ZNF81: variants seen among roughly 807,000 people sequenced by gnomAD.
ZNF81 encodes zinc finger protein 81 (HFZ20).
In ZNF81, 5 loss-of-function variants were observed where a neutral mutation model predicts 32.3. The observed-to-expected ratio is 0.15, with a 90% CI of 0.08 to 0.33. The LOEUF is 0.33. Among genes scored for constraint, ZNF81 ranks in the 10% least tolerant of loss-of-function variants. ZNF81 has a pLI of 1.00. For synonymous variants in ZNF81, 163 were observed against 166.8 expected (o/e 0.98, Z 0.17); for missense variants, 379 against 479.8 (o/e 0.79, Z 1.96).
At chrX:47,873,476 A>G (rs191673834) in intron 2 of ZNF81, among the ~76,000 whole-genome samples, 1 of 111,102 alleles carries the variant, frequency 9.0e-6, no homozygotes, top group Non-Finnish European at 1.9e-5. Context: ...GGCTTTTCTG[A>G]TGTCTCTCTG....
rs782220805 is a variant in ZNF81, at chrX:47,875,641, C to T, written c.55-12358C>T. On this transcript the variant is annotated intron_variant, in intron 2 of 4. Transcript: ENST00000338637. Reference sequence around the variant, plus strand: ...TTATAATTCACCTTCAGCTGGTCTGCTCGATTCAGGAACTTCCAGGCCATC... The same window carrying T: ...TTATAATTCACCTTCAGCTGGTCTGTTCGATTCAGGAACTTCCAGGCCATC... Among the ~76,000 whole-genome samples the T allele has an allele frequency of 1.8e-5, 2 of 112,384 alleles. 1 individual carries two copies. The highest frequency in any genetic ancestry group is 1.9e-4 in the Admixed American group (2 of 10,622).
chrX:47,888,819 A>G (rs782724780), intron 3 of ZNF81, among the ~76,000 whole-genome samples: 4 of 111,868 alleles, frequency 3.6e-5, no homozygotes, highest in African/African-American at 9.8e-5. Flanking sequence ...TGGTAGAAAC[A>G]TGAATGTTAA....
chrX:47,900,440 A>G (rs2058694637), intron 4 of ZNF81, among the ~76,000 whole-genome samples: 2 of 111,979 alleles, frequency 1.8e-5, no homozygotes, highest in Non-Finnish European at 3.8e-5. Context: ...TTCACATCCT[A>G]TACAAAAATT....
intron 4 of ZNF81, among the ~76,000 whole-genome samples, chrX:47,913,567 AATTC>A (rs782024356): frequency 5.3e-4 from 59 of 111,968 alleles, no homozygotes; most frequent in Admixed American, 2.4e-3. Flanking sequence ...GGTGAAGTAA[AATTC>A]ATTCATTTAT....
In ZNF81 at chrX:47,860,211, T is replaced by G. The variant is rs191342419; in HGVS notation, c.54+13890T>G. 6.2e-3 allele frequency among the ~76,000 whole-genome samples: 644 copies of G among 104,679 alleles called. 23 individuals are homozygous for G. In the Admixed American group the frequency reaches 0.063, roughly 10 times the overall value. 90.9% of individuals were successfully genotyped at this position (104,679 alleles called of 115,157 possible). ...TTTTTTTTGAGATGGAATCTCGCTG[T>G]ATTGCCCAGGCTGGATTGCAGTGGC... On this transcript the variant is annotated intron_variant, in intron 2 of 4. Coordinates refer to ENST00000338637, the MANE Select transcript of ZNF81 (RefSeq NM_007137.5).
At chrX:47,894,277 C>T (rs55701069) in intron 3 of ZNF81, among the ~76,000 whole-genome samples, 2,145 of 111,014 alleles carry the variant, frequency 0.019, 22 homozygotes, top group Middle Eastern at 0.032. Flanking sequence ...TCAAATATTA[C>T]GTGGGGGATA....
Position 47,841,001 on chromosome X carries a change from C to T in ZNF81, c.-164+4014C>T, listed in dbSNP as rs2058447013. 5 of 798,188 alleles carry T rather than the reference C, an allele frequency of 6.3e-6. No homozygotes were observed. The East Asian group carries it at 1.6e-4, about 25-fold the overall frequency. The allele number at this position is 798,188 out of a possible 1,213,427, so 65.8% of individuals were successfully genotyped here. A position where few individuals can be genotyped will look rare whatever the true frequency, so the allele number is the denominator to read the frequency against. ...TGGATGAGCAGATTGATGTGTTCACCCCGATAGCCAGGTGTGCCCGTCTCC... is the reference window on the plus strand; with the variant it reads ...TGGATGAGCAGATTGATGTGTTCACTCCGATAGCCAGGTGTGCCCGTCTCC... On this transcript the variant is annotated intron_variant, in intron 1 of 4. Coordinates refer to ENST00000338637, the MANE Select transcript of ZNF81 (RefSeq NM_007137.5).
intron 2 of ZNF81, among the ~76,000 whole-genome samples, chrX:47,856,494 A>T (rs2058517753): frequency 8.9e-6 from 1 of 111,890 alleles, no homozygotes; most frequent in African/African-American, 3.2e-5. Flanking sequence ...AAACCAAAAG[A>T]AATATTTAAA....
chrX:47,871,460 G>T (rs2058580035), intron 2 of ZNF81, among the ~76,000 whole-genome samples: 1 of 111,348 alleles, frequency 9.0e-6, no homozygotes. Context: ...AACCCTGAAG[G>T]TGGCCCTTCT....
intron 2 of ZNF81, among the ~76,000 whole-genome samples, chrX:47,848,804 A>C (rs1299187093): frequency 9.0e-6 from 1 of 111,437 alleles, no homozygotes; most frequent in Non-Finnish European, 1.9e-5. Context: ...TCTGAAAAAA[A>C]AGTCCAAAAT....
chrX:47,865,873 A>G (rs1217056903), intron 2 of ZNF81, among the ~76,000 whole-genome samples: 1 of 111,716 alleles, frequency 9.0e-6, no homozygotes, highest in Non-Finnish European at 1.9e-5. Flanking sequence ...AGAATTTACC[A>G]GCCACCTCTG....
At position 47,916,465 on chromosome X, in the gene ZNF81, G is replaced by A. The variant is rs1181839740; in HGVS notation, c.1819G>A (p.Glu607Lys). ...LKVHQRIHTG[E>K]KPYICAECGK... Reference sequence around the variant, plus strand: ...AGTACATCAACGAATTCACACAGGGGAGAAACCATATATATGTGCAGAATG... The same window carrying A: ...AGTACATCAACGAATTCACACAGGGAAGAAACCATATATATGTGCAGAATG... The change falls in exon 5 of 5, where the codon GAG becomes AAG. Residue 607 changes from glutamate to lysine, a missense_variant. This residue lies in a region of ZNF81 where 102 missense variants were observed against 173.2 expected (regional missense o/e 0.59). Transcript: ENST00000338637. The A allele has an allele frequency of 2.5e-6, 3 of 1,209,736 alleles. No homozygotes were observed.
At chrX:47,873,220 G>T (rs1052502204) in intron 2 of ZNF81, among the ~76,000 whole-genome samples, 5 of 112,250 alleles carry the variant, frequency 4.5e-5, no homozygotes, top group African/African-American at 1.6e-4. Context: ...TGGAGGGAAA[G>T]AAACAAGTAG....
At chrX:47,908,723 C>G (rs1371723764) in intron 4 of ZNF81, among the ~76,000 whole-genome samples, 5 of 112,151 alleles carry the variant, frequency 4.5e-5, no homozygotes, top group African/African-American at 6.5e-5. Context: ...ACTGCTGTTA[C>G]AAGAACTTGG....
intron 2 of ZNF81, among the ~76,000 whole-genome samples, chrX:47,852,831 C>T (rs781843075): frequency 2.0e-4 from 22 of 112,751 alleles, no homozygotes; most frequent in Non-Finnish European, 3.2e-4. Flanking sequence ...AATGATGAAC[C>T]GTTTACAGGA....
In ZNF81 at chrX:47,889,477, G is replaced by C. The variant is rs782197883; in HGVS notation, c.181+1352G>C. 3.6e-5 allele frequency among the ~76,000 whole-genome samples: 4 copies of C among 112,296 alleles called. No individual in the cohort carries two copies. In the Admixed American group the frequency reaches 3.8e-4, roughly 11 times the overall value. ...AAGGCACAGGCTGGGGAGATGGGGG[G>C]ACCCATTGCCTCCTTAGTTTCAGAG... On this transcript the variant is annotated intron_variant, in intron 3 of 4. Transcript: ENST00000338637.
At chrX:47,868,968 T>TGG (rs1227139593) in intron 2 of ZNF81, among the ~76,000 whole-genome samples, 2 of 109,156 alleles carry the variant, frequency 1.8e-5, no homozygotes, top group African/African-American at 6.7e-5. Context: ...TATATACATC[T>TGG]TGAGGAGTCT....
At position 47,919,752 on chromosome X, in the gene ZNF81, C is replaced by A. The variant is rs990453389; in HGVS notation, c.*3120C>A. 8.9e-6 allele frequency: 1 copy of A among 111,867 alleles called. No individual in the cohort carries two copies. Among genetic ancestry groups the A allele is most frequent in the African/African-American group, 3.3e-5 (1 of 30,683 alleles). 9.2% of individuals were successfully genotyped at this position (111,867 alleles called of 1,213,427 possible). On this transcript the variant is annotated 3_prime_UTR_variant, in exon 5 of 5. Coordinates refer to ENST00000338637, the MANE Select transcript of ZNF81 (RefSeq NM_007137.5). ...TGAGTTCTCCACCCACATTACCTAACTACCACCCAAAGGCTCCACCTCCTA... is the reference window on the plus strand; with the variant it reads ...TGAGTTCTCCACCCACATTACCTAAATACCACCCAAAGGCTCCACCTCCTA...
At chrX:47,901,442 T>C (rs2058697980) in intron 4 of ZNF81, among the ~76,000 whole-genome samples, 1 of 112,230 alleles carries the variant, frequency 8.9e-6, no homozygotes, top group African/African-American at 3.2e-5. Flanking sequence ...GTATTAGCTG[T>C]GATTTTTCTT....
Sources: allele counts gnomAD v4.1 joint callset (sites outside exome capture counted in the v4.1 genomes callset), GRCh38; gene constraint gnomAD v4.1.1; regional missense constraint gnomAD v4.1.1; transcripts MANE v1.5; gene names NCBI Gene and HGNC (gene_info 2026-07-23, HGNC 2026-07-21).